The following WNK2 variants were observed in gnomAD, a reference collection of about 807,000 sequenced individuals.
WNK2 encodes the protein serine/threonine-protein kinase WNK2.
A neutral mutation model predicts 192.1 loss-of-function variants in WNK2; 67 were observed. The ratio of observed to expected loss-of-function variants is 0.35; its 90% confidence interval spans 0.29 to 0.43. The LOEUF (loss-of-function observed/expected upper bound fraction) is 0.43, where lower values mean the gene tolerates loss of function less well. Among genes scored for constraint, WNK2 ranks in the 20% least tolerant of loss-of-function variants. The pLI is 1.00. For missense variants in WNK2, 2,698 were observed against 3,089.7 expected (o/e 0.87, Z 3.01); for synonymous variants, 1,439 against 1,393.9 (o/e 1.03, Z -0.72).
chr9:93,208,194 G>A (rs1833741200), intron 2 of WNK2, among the ~76,000 whole-genome samples: 1 of 152,198 alleles, frequency 6.6e-6, no homozygotes, highest in Non-Finnish European at 1.5e-5. Context: ...TTTGGAGATG[G>A]GTGTCCCTTG....
chr9:93,222,808 G>A (rs1440600709), intron 2 of WNK2, among the ~76,000 whole-genome samples: 4 of 151,816 alleles, frequency 2.6e-5, no homozygotes, highest in Admixed American at 6.6e-5. Context: ...TCAGCCTCCC[G>A]AGTAGCTGGG....
At chr9:93,237,570 T>C (rs1387485180) in intron 5 of WNK2, among the ~76,000 whole-genome samples, 1 of 152,254 alleles carries the variant, frequency 6.6e-6, no homozygotes, top group Non-Finnish European at 1.5e-5. Context: ...AGTTTTAACC[T>C]GCTTGCCTAC....
intron 4 of WNK2, among the ~76,000 whole-genome samples, chr9:93,232,964 CA>C (rs71511650): frequency 0.024 from 2,002 of 81,734 alleles, 15 homozygotes; most frequent in South Asian, 0.11. Context: ...CCTGTCTCTA[CA>C]AAAAAAAAAA....
At position 93,239,947 on chromosome 9, in the gene WNK2, G is replaced by A; in HGVS notation, c.1513G>A (p.Glu505Lys). The change falls in exon 7 of 30, where the codon GAG (glutamate) becomes AAG (lysine). Residue 505 changes from glutamate to lysine, a missense_variant. This residue lies in a region of WNK2 where 230 missense variants were observed against 501.1 expected (regional missense o/e 0.46). Transcript: ENST00000427277. The surrounding 1 kb of genome is among the most constrained non-coding windows in gnomAD (Gnocchi z 4.2). ...AGAGTTCACCTTCGACCTGGAGAAG[G>A]AGACGCCGGATGAGGTGGCCCAAGA... The part of the protein sequence containing the change: ...AIEFTFDLEK[E>K]TPDEVAQEMI... 6.2e-7 allele frequency: 1 copy of A among 1,612,080 alleles called. No homozygotes were observed. Among genetic ancestry groups the A allele is most frequent in the Non-Finnish European group, 8.5e-7 (1 of 1,179,130 alleles).
intron 2 of WNK2, among the ~76,000 whole-genome samples, chr9:93,206,297 C>G (rs575729815): frequency 6.6e-6 from 1 of 152,280 alleles, no homozygotes; most frequent in Non-Finnish European, 1.5e-5. Context: ...GAGGTGGGTA[C>G]AGGGAGTTGC....
chr9:93,309,512 G>A (rs1294986661), intron 28 of WNK2, among the ~76,000 whole-genome samples: 1 of 152,110 alleles, frequency 6.6e-6, no homozygotes, highest in East Asian at 1.9e-4. Context: ...TGCCATAAAA[G>A]TATCCATAAT....
chr9:93,191,853 C>T (rs549610405), intron 2 of WNK2, among the ~76,000 whole-genome samples: 8 of 152,108 alleles, frequency 5.3e-5, no homozygotes, highest in African/African-American at 9.6e-5. Context: ...GGTGAAACCT[C>T]GTCTCTACTA....
At chr9:93,197,192 T>A (rs1267524593) in intron 2 of WNK2, among the ~76,000 whole-genome samples, 1 of 152,252 alleles carries the variant, frequency 6.6e-6, no homozygotes, top group Non-Finnish European at 1.5e-5. Context: ...GTCTGTGATT[T>A]CCTGACCCAT....
At chr9:93,250,879 G>A (rs1842502772) in intron 8 of WNK2, among the ~76,000 whole-genome samples, 1 of 145,942 alleles carries the variant, frequency 6.9e-6, no homozygotes, top group Non-Finnish European at 1.5e-5. Context: ...CTGCCTCCCA[G>A]GTTCAAGTGA....
chr9:93,233,128 G>A (rs1222638308), intron 4 of WNK2, among the ~76,000 whole-genome samples: 1 of 148,834 alleles, frequency 6.7e-6, no homozygotes, highest in Non-Finnish European at 1.5e-5. Flanking sequence ...AGACTGGGAG[G>A]TCGAGGTTGC....
intron 23 of WNK2, among the ~76,000 whole-genome samples, chr9:93,295,177 C>A (rs575389593): frequency 6.6e-6 from 1 of 152,168 alleles, no homozygotes; most frequent in Non-Finnish European, 1.5e-5. Context: ...CCCCCTGTGT[C>A]GGAGCCACAT....
chr9:93,203,227 A>T lies in WNK2; in HGVS notation c.681+17617A>T, dbSNP rs539600585. ...ACTCAGCTGAGGACCTTGAGCTGCA[A>T]TGAGGCCCCCTGGGGCCTGGTGGGC... On this transcript the variant is annotated intron_variant, in intron 2 of 29. Coordinates refer to ENST00000427277, the MANE Select transcript of WNK2 (RefSeq NM_006648.4). 3.7e-4 allele frequency among the ~76,000 whole-genome samples: 56 copies of T among 152,202 alleles called. No homozygotes were observed. The South Asian group carries it at 6.6e-3, about 18-fold the overall frequency.
At chr9:93,295,724 T>TCAGCTTCCTCCCCC (rs1850164771) in intron 23 of WNK2, among the ~76,000 whole-genome samples, 6 of 146,134 alleles carry the variant, frequency 4.1e-5, no homozygotes, top group African/African-American at 1.5e-4. Context: ...CATCCTCCCC[T>TCAGCTTCCTCCCCC]CACCTTCCTC....
At chr9:93,225,093 AACC>A (rs1837590904) in intron 2 of WNK2, among the ~76,000 whole-genome samples, 1 of 152,138 alleles carries the variant, frequency 6.6e-6, no homozygotes, top group Admixed American at 6.5e-5. Flanking sequence ...GGGACACACT[AACC>A]GACTGTTAAA....
chr9:93,298,212 A>G (rs1263346405), intron 24 of WNK2, 145 bp downstream of exon 24: 3 of 956,368 alleles, frequency 3.1e-6, no homozygotes, highest in Non-Finnish European at 4.7e-6. Flanking sequence ...CTTTCCCTGG[A>G]GCAGGGGAGT....
chr9:93,223,213 C>T (rs984755456), intron 2 of WNK2, among the ~76,000 whole-genome samples: 5 of 152,214 alleles, frequency 3.3e-5, no homozygotes, highest in Admixed American at 2.6e-4. Flanking sequence ...CAAAATGGCT[C>T]CACTGAGCCC....
intron 16 of WNK2, 47 bp downstream of exon 16, chr9:93,264,080 G>A (rs542228431): frequency 9.2e-6 from 13 of 1,419,738 alleles, no homozygotes; most frequent in East Asian, 2.4e-5. Flanking sequence ...TCTTGGACAC[G>A]TGTGGGCCTG....
chr9:93,202,364 G>GTGTGTGTGTGTGTATGTGTATGTA (rs576221975), intron 2 of WNK2, among the ~76,000 whole-genome samples: 1 of 146,078 alleles, frequency 6.8e-6, no homozygotes, highest in African/African-American at 2.5e-5. Flanking sequence ...GTGTGTGTGT[G>GTGTGTGTGTGTGTATGTGTATGTA]TGTATGTCTC....
chr9:93,298,831 G>A (rs1335680643), intron 24 of WNK2, among the ~76,000 whole-genome samples: 3 of 152,218 alleles, frequency 2.0e-5, no homozygotes, highest in Admixed American at 1.3e-4. Flanking sequence ...TGTGTCTTCT[G>A]TCACTATATT....
Sources: gnomAD v4.1 joint callset for allele counts (sites outside exome capture counted in the v4.1 genomes callset) on GRCh38, gnomAD v4.1.1 for gene constraint, gnomAD v4.1.1 regional missense constraint, Gnocchi (gnomAD v3.1) non-coding constraint, MANE v1.5 for transcripts, NCBI Gene and HGNC (gene_info 2026-07-23, HGNC 2026-07-21) for gene names.